The following MARCHF10 variants were observed in gnomAD, a reference collection of about 807,000 sequenced individuals.
MARCHF10 encodes membrane associated ring-CH-type finger 10, also known as probable E3 ubiquitin-protein ligase MARCHF10.
A neutral mutation model predicts 76.2 loss-of-function variants in MARCHF10; 64 were observed. The ratio of observed to expected loss-of-function variants is 0.84; its 90% CI spans 0.69 to 1.03. The LOEUF (loss-of-function observed/expected upper bound fraction) is 1.03. MARCHF10 is among the 50% of genes least tolerant of loss of function. The pLI is 0.00. For synonymous variants in MARCHF10, 340 were observed against 357.5 expected (o/e 0.95, Z 0.55); for missense variants, 875 against 958.0 (o/e 0.91, Z 1.14).
At chr17:62,737,378 T>C (rs758967999) in intron 5 of MARCHF10, 46 bp from the exon 6 acceptor site, 3 of 1,565,860 alleles carry the variant, frequency 1.9e-6, no homozygotes, top group Admixed American at 4.0e-5. Context: ...AAAGGGCCCA[T>C]GGATGAAAGG....
At chr17:62,771,203 T>A (rs1568186834) in intron 3 of MARCHF10, among the ~76,000 whole-genome samples, 2 of 152,010 alleles carry the variant, frequency 1.3e-5, no homozygotes, top group East Asian at 1.9e-4. Flanking sequence ...AGACTTTTTT[T>A]AAAAAAAGGA....
chr17:62,737,373 G>T (rs765590194), intron 5 of MARCHF10, 41 bp from the exon 6 acceptor site: 17 of 1,576,652 alleles, frequency 1.1e-5, no homozygotes, highest in Middle Eastern at 2.1e-4. Context: ...CAGTAAAAGG[G>T]CCCATGGATG....
chr17:62,788,626 T>C (rs759023135), intron 2 of MARCHF10, 27 bp from the exon 3 acceptor site: 1 of 1,613,374 alleles, frequency 6.2e-7, no homozygotes, highest in Non-Finnish European at 8.5e-7. Context: ...ATAAAATGTT[T>C]GTCTTAGGAC....
chr17:62,780,105 AAC>A (rs1491014095), intron 3 of MARCHF10, among the ~76,000 whole-genome samples: 249 of 149,870 alleles, frequency 1.7e-3, no homozygotes, highest in African/African-American at 6.2e-3. Context: ...TAAAAAAAAA[AAC>A]AAACCAAAAA....
intron 9 of MARCHF10, among the ~76,000 whole-genome samples, chr17:62,707,884 C>G (rs1395459835): frequency 1.3e-5 from 2 of 152,120 alleles, no homozygotes; most frequent in African/African-American, 4.8e-5. Flanking sequence ...GGGAAGATTT[C>G]TTGAGACTAG....
Position 62,806,609 on chromosome 17 carries a change from G to C in MARCHF10, c.-18+1468C>G, listed in dbSNP as rs190937454. 12 of 152,302 alleles carry C rather than the reference G, an allele frequency of 7.9e-5. 1 individual carries two copies. In the East Asian group the frequency reaches 2.3e-3, roughly 29 times the overall value. The allele number at this position is 152,302 out of a possible 1,614,324, so 9.4% of individuals were successfully genotyped here. A position where few individuals can be genotyped will look rare whatever the true frequency, so the allele number is the denominator to read the frequency against. ...AGGCAGGTGGAGAAGGAAGGAGGGGGTCCTGCCTTGCTGAAAGCAAGAGCG... is the reference window on the plus strand; with the variant it reads ...AGGCAGGTGGAGAAGGAAGGAGGGGCTCCTGCCTTGCTGAAAGCAAGAGCG... On this transcript the variant is annotated intron_variant, in intron 1 of 10. Transcript: ENST00000311269.
chr17:62,751,858 T>A (rs2091906729), intron 4 of MARCHF10, among the ~76,000 whole-genome samples: 1 of 151,968 alleles, frequency 6.6e-6, no homozygotes, highest in South Asian at 2.1e-4. Context: ...CCATCTCTAC[T>A]AAAAATACAA....
chr17:62,774,195 G>A (rs949091293), intron 3 of MARCHF10, among the ~76,000 whole-genome samples: 1 of 152,138 alleles, frequency 6.6e-6, no homozygotes. Flanking sequence ...AAATTCTTTT[G>A]GGCGATGACA....
At chr17:62,751,921 G>A (rs2091908192) in intron 4 of MARCHF10, among the ~76,000 whole-genome samples, 1 of 152,062 alleles carries the variant, frequency 6.6e-6, no homozygotes, top group Non-Finnish European at 1.5e-5. Context: ...TTGGGAGGCT[G>A]AGGCAGGAGA....
chr17:62,705,730 T>C, intron 9 of MARCHF10, 149 bp from the exon 10 acceptor site: 1 of 956,880 alleles, frequency 1.0e-6, no homozygotes, highest in East Asian at 2.6e-5. Flanking sequence ...GAGGGCTGGG[T>C]GAGTGCTAAG....
chr17:62,720,778 T>G lies in MARCHF10; in HGVS notation c.2214+1710A>C, dbSNP rs1433455568. Among the ~76,000 whole-genome samples the G allele has an allele frequency of 2.0e-5, 3 of 152,192 alleles. No homozygotes were observed. The East Asian group carries it at 5.8e-4, about 29-fold the overall frequency. The stretch of plus-strand genomic sequence containing the variant: ...TCTACACTGAGCATCCAGCAGTTCA[T>G]TAATTACAGCTTAAGATTGCTTGTC... On this transcript the variant is annotated intron_variant, in intron 8 of 10. Transcript: ENST00000311269.
At chr17:62,755,300 A>G (rs2092008827) in intron 4 of MARCHF10, among the ~76,000 whole-genome samples, 1 of 143,064 alleles carries the variant, frequency 7.0e-6, no homozygotes, top group East Asian at 1.9e-4. Context: ...TGCTTCCCAC[A>G]TGTCTGGCCC....
At chr17:62,734,213 T>C (rs902458469) in intron 6 of MARCHF10, among the ~76,000 whole-genome samples, 6 of 151,214 alleles carry the variant, frequency 4.0e-5, no homozygotes, top group Non-Finnish European at 8.8e-5. Flanking sequence ...TATAAACATA[T>C]GGTAAAAGCT....
chr17:62,759,759 C>A, intron 4 of MARCHF10, 76 bp downstream of exon 4: 1 of 1,477,780 alleles, frequency 6.8e-7, no homozygotes. Flanking sequence ...GCGTGAGCCA[C>A]CGTGCTCGGC....
intron 6 of MARCHF10, among the ~76,000 whole-genome samples, chr17:62,732,317 A>G (rs563587100): frequency 6.6e-6 from 1 of 152,226 alleles, no homozygotes; most frequent in Non-Finnish European, 1.5e-5. Context: ...GGCTTACATC[A>G]TCGCATATCA....
intron 3 of MARCHF10, among the ~76,000 whole-genome samples, chr17:62,784,409 C>G (rs2092712543): frequency 6.6e-6 from 1 of 152,212 alleles, no homozygotes; most frequent in Admixed American, 6.5e-5. Flanking sequence ...AAACCCACAG[C>G]CAACATCATA....
intron 3 of MARCHF10, among the ~76,000 whole-genome samples, chr17:62,769,885 C>A (rs1457136025): frequency 1.3e-5 from 2 of 151,952 alleles, no homozygotes; most frequent in East Asian, 3.9e-4. Context: ...GCAGTTCATT[C>A]AAGTTGGCTT....
intron 4 of MARCHF10, among the ~76,000 whole-genome samples, chr17:62,751,594 G>C (rs1229629614): frequency 6.6e-6 from 1 of 152,166 alleles, no homozygotes; most frequent in Non-Finnish European, 1.5e-5. Context: ...TGTGGGTCAG[G>C]GACAGGAAGC....
intron 6 of MARCHF10, chr17:62,726,191 G>T: frequency 6.6e-6 from 1 of 152,226 alleles, no homozygotes; most frequent in Non-Finnish European, 1.5e-5. Context: ...GGTGAGTGAA[G>T]AATAGCTGGT....
Sources: allele counts gnomAD v4.1 joint callset (sites outside exome capture counted in the v4.1 genomes callset), GRCh38; gene constraint gnomAD v4.1.1; transcripts MANE v1.5; gene names NCBI Gene and HGNC (gene_info 2026-07-23, HGNC 2026-07-21).